Variants in GAL3ST1 observed in about 807,000 individuals in gnomAD.
GAL3ST1 encodes galactose-3-O-sulfotransferase 1, also known as galactosylceramide sulfotransferase.
In GAL3ST1, 13 loss-of-function variants were observed where a neutral mutation model predicts 25.0. The ratio of observed to expected loss-of-function variants is 0.52; its 90% CI spans 0.34 to 0.83. The LOEUF (loss-of-function observed/expected upper bound fraction) is 0.83. GAL3ST1 is among the 40% of genes least tolerant of loss of function. GAL3ST1 has a pLI of 0.02. For missense variants in GAL3ST1, 474 were observed against 613.6 expected, an observed-to-expected ratio of 0.77 and a Z score of 2.40; for synonymous variants, 274 against 277.8, an observed-to-expected ratio of 0.99 and a Z score of 0.14.
In GAL3ST1 at chr22:30,556,033, C is replaced by T. The variant is rs971956994; in HGVS notation, c.192G>A (p.Arg64=). 2.5e-6 allele frequency: 4 copies of T among 1,612,704 alleles called. No homozygotes were observed. Among genetic ancestry groups the T allele is most frequent in the East Asian group, 2.2e-5 (1 of 44,884 alleles). Residue 64 remains arginine, a synonymous_variant, in exon 4 of 4, where the codon CGG becomes CGA. Coordinates refer to ENST00000406361, the MANE Select transcript of GAL3ST1 (RefSeq NM_001318104.2). The part of the protein sequence containing the change: ...PPALEPEAVI[R]ANGSAGECQP... ...GGCACTCCCCCGCCGAGCCGTTGGC[C>T]CGGATCACTGCCTCTGGCTCGAGTG...
At chr22:30,570,320 G>C (rs2086743314) in intron 1 of GAL3ST1, among the ~76,000 whole-genome samples, 1 of 152,204 alleles carries the variant, frequency 6.6e-6, no homozygotes, top group Non-Finnish European at 1.5e-5. Context: ...AGCTATTACA[G>C]TTCTGAGTGT....
rs139970242 is a variant in GAL3ST1, at chr22:30,561,614, C to T, written c.-119-3226G>A. ...CCATGGCAGCCCCTGCCTGGTGTGT[C>T]CTAAGCCCTGTCCCAAGCCCAGGGG... is the stretch of plus-strand genomic sequence containing the variant. On this transcript the variant is annotated intron_variant, in intron 1 of 3. Coordinates refer to ENST00000406361, the MANE Select transcript of GAL3ST1 (RefSeq NM_001318104.2). Among the ~76,000 whole-genome samples the T allele has an allele frequency of 1.2e-3, 183 of 152,292 alleles. 1 individual carries two copies. Among genetic ancestry groups the T allele is most frequent in the African/African-American group, 4.1e-3 (171 of 41,564 alleles).
In GAL3ST1 at chr22:30,555,613, G is replaced by A. The variant is rs141387192; in HGVS notation, c.612C>T (p.Tyr204=). 4.3e-6 allele frequency: 7 copies of A among 1,613,514 alleles called. No homozygotes were observed. Among genetic ancestry groups the A allele is most frequent in the Admixed American group, 1.7e-5 (1 of 60,018 alleles). ...TEFLQDPDRY[Y]DPNGFNAHYL... is the part of the protein sequence containing the mutation. The stretch of plus-strand genomic sequence containing the variant: ...AGTGGGCATTGAAGCCGTTGGGGTC[G>A]TAGTAGCGATCCGGGTCTTGCAGGA... The change falls in exon 4 of 4, where the codon TAC becomes TAT. Residue 204 remains tyrosine (Y), a synonymous_variant. Transcript: ENST00000406361. This position sits in a 1 kb window ranked among gnomAD's most constrained non-coding sequence, Gnocchi z 8.6.
chr22:30,559,420 T>G (rs1172313644), intron 1 of GAL3ST1, among the ~76,000 whole-genome samples: 1 of 152,014 alleles, frequency 6.6e-6, no homozygotes, highest in Admixed American at 6.5e-5. Context: ...TTTGTATTTT[T>G]AGTAGAGATG....
intron 1 of GAL3ST1, among the ~76,000 whole-genome samples, chr22:30,562,811 T>C (rs748109209): frequency 2.0e-4 from 31 of 152,172 alleles, no homozygotes; most frequent in Non-Finnish European, 2.8e-4. Context: ...ACGAAAGTAA[T>C]ACATGTGAGG....
rs199518995 is a variant in GAL3ST1 at position 30,555,212 on chromosome 22, T to C, written c.1013A>G (p.Asn338Ser). Residue 338 changes from asparagine (N) to serine (S), a missense_variant, in exon 4 of 4, where the codon AAC (asparagine) becomes AGC (serine). Coordinates refer to ENST00000406361, the MANE Select transcript of GAL3ST1 (RefSeq NM_001318104.2). The surrounding 1 kb of genome is among the most constrained non-coding windows in gnomAD (Gnocchi z 8.6). ...AREVAALRHA[N>S]ERMRTICIDG... ...GATGCAGATGGTCCGCATGCGCTCG[T>C]TGGCATGGCGCAGGGCGGCCACCTC... 6.3e-7 allele frequency: 1 copy of C among 1,599,206 alleles called. No individual in the cohort carries two copies. The highest frequency in any genetic ancestry group is 1.3e-5 in the African/African-American group (1 of 74,854).
chr22:30,556,941 G>C (rs2086067403), intron 3 of GAL3ST1, among the ~76,000 whole-genome samples: 1 of 152,148 alleles, frequency 6.6e-6, no homozygotes, highest in Non-Finnish European at 1.5e-5. Context: ...CACCATGTTG[G>C]CCAGGCTGGT....
At chr22:30,566,844 C>T (rs1431357371) in intron 1 of GAL3ST1, among the ~76,000 whole-genome samples, 1 of 152,216 alleles carries the variant, frequency 6.6e-6, no homozygotes, top group East Asian at 1.9e-4. Flanking sequence ...CTCCTGACCT[C>T]ATGATCTGCC....
rs1278823851 is a variant in GAL3ST1, at chr22:30,555,040, C to T, written c.1185G>A (p.Thr395=). ...GGTCCATCAGGTACTGGATCTCGGG[C>T]GTGAGCATGCGCCGGCAGAGCTGCG... ...RHAQLCRRML[T]PEIQYLMDLG... is the part of the protein sequence containing the mutation. The change falls in exon 4 of 4, where the codon ACG becomes ACA. Residue 395 remains threonine (T), a synonymous_variant. Transcript: ENST00000406361. This position sits in a 1 kb window ranked among gnomAD's most constrained non-coding sequence, Gnocchi z 8.6. The T allele has an allele frequency of 4.3e-6, 7 of 1,611,568 alleles. No homozygotes were observed. The Admixed American group carries it at 1.0e-4, about 23-fold the overall frequency.
At chr22:30,556,125 A>C in intron 3 of GAL3ST1, 32 bp from the exon 4 acceptor site, 1 of 1,565,560 alleles carries the variant, frequency 6.4e-7, no homozygotes, top group South Asian at 1.1e-5. Flanking sequence ...GGAGAGCCTC[A>C]GGGGGGTGCT....
chr22:30,568,058 C>A (rs1238859463), intron 1 of GAL3ST1, among the ~76,000 whole-genome samples: 1 of 152,206 alleles, frequency 6.6e-6, no homozygotes, highest in Admixed American at 6.5e-5. Flanking sequence ...TTCATGATAA[C>A]CCGGTGCAGA....
chr22:30,567,210 AC>A (rs1345001994), intron 1 of GAL3ST1, among the ~76,000 whole-genome samples: 1 of 152,056 alleles, frequency 6.6e-6, no homozygotes, highest in African/African-American at 2.4e-5. Flanking sequence ...AAGAACCCCA[AC>A]CCCAGAGGTC....
intron 1 of GAL3ST1, among the ~76,000 whole-genome samples, chr22:30,573,771 G>A (rs1373935560): frequency 6.6e-6 from 1 of 152,196 alleles, no homozygotes; most frequent in Non-Finnish European, 1.5e-5. Flanking sequence ...GTTCCCACTG[G>A]GCAGGGCTCG....
rs1046881520 is a variant in GAL3ST1 at position 30,555,729 on chromosome 22, G to C, written c.496C>G (p.Pro166Ala). ...AAGGAGGACTCGAACAAGCGGGCGG[G>C]GTCGCGGAGCACCGTGATGAAGATG... ...NAIFITVLRD[P>A]ARLFESSFHY... The change falls in exon 4 of 4, where the codon CCC becomes GCC. Residue 166 changes from proline to alanine, a missense_variant. This residue lies in a region of GAL3ST1 where 359 missense variants were observed against 504.4 expected (regional missense o/e 0.71). Coordinates refer to ENST00000406361, the MANE Select transcript of GAL3ST1 (RefSeq NM_001318104.2). The surrounding 1 kb of genome is among the most constrained non-coding windows in gnomAD (Gnocchi z 8.6). 9.3e-6 allele frequency: 15 copies of C among 1,613,934 alleles called. No homozygotes were observed. Among genetic ancestry groups the C allele is most frequent in the Non-Finnish European group, 1.2e-5 (14 of 1,180,042 alleles).
rs947633590 is a variant in GAL3ST1, at chr22:30,556,061, G to C, written c.164C>G (p.Pro55Arg). Reference protein sequence around the residue: ...TPEAAASCSPPALEPEAVIRA... With the variant: ...TPEAAASCSPRALEPEAVIRA... ...GATCACTGCCTCTGGCTCGAGTGCA[G>C]GTGGAGAGCAGGACGCTGCGGCCTC... The change falls in exon 4 of 4, where the codon CCT becomes CGT. Residue 55 changes from proline to arginine, a missense_variant. Pro to Arg is a moderately radical substitution (Grantham distance 103). Transcript: ENST00000406361. 1.2e-5 allele frequency: 20 copies of C among 1,611,124 alleles called. No homozygotes were observed. Among genetic ancestry groups the C allele is most frequent in the Non-Finnish European group, 1.7e-5 (20 of 1,179,768 alleles).
At chr22:30,557,150 G>C (rs760522372) in intron 3 of GAL3ST1, 112 bp downstream of exon 3, 3 of 1,079,088 alleles carry the variant, frequency 2.8e-6, no homozygotes, top group African/African-American at 1.6e-5. Flanking sequence ...CAGGGTGCAG[G>C]GTGGCTACCC....
intron 1 of GAL3ST1, among the ~76,000 whole-genome samples, chr22:30,566,371 A>G (rs1199889834): frequency 1.3e-5 from 2 of 152,226 alleles, no homozygotes; most frequent in African/African-American, 4.8e-5. Context: ...CCTGTCATGC[A>G]TCATGCAGCC....
intron 3 of GAL3ST1, among the ~76,000 whole-genome samples, chr22:30,556,672 G>C (rs966448770): frequency 6.6e-6 from 1 of 152,160 alleles, no homozygotes; most frequent in Non-Finnish European, 1.5e-5. Flanking sequence ...TCTGAGCCCT[G>C]TACAGACAGT....
At position 30,555,853 on chromosome 22, in the gene GAL3ST1, G is replaced by A; in HGVS notation, c.372C>T (p.Ser124=). 1.2e-6 allele frequency: 2 copies of A among 1,614,216 alleles called. No individual in the cohort carries two copies. Among genetic ancestry groups the A allele is most frequent in the Non-Finnish European group, 1.7e-6 (2 of 1,180,034 alleles). ...CCCCGGGCCGATAGTCCTGCACCAG[G>A]CTGCGGGCGAAGAAGGTCGGGTAGT... ...DFDYPTFFAR[S]LVQDYRPGAC... is the part of the protein sequence containing the mutation. Residue 124 remains serine, a synonymous_variant, in exon 4 of 4, where the codon AGC becomes AGT. Transcript: ENST00000406361. This position sits in a 1 kb window ranked among gnomAD's most constrained non-coding sequence, Gnocchi z 8.6.
Sources: allele counts gnomAD v4.1 joint callset (sites outside exome capture counted in the v4.1 genomes callset), GRCh38; gene constraint gnomAD v4.1.1; regional missense constraint gnomAD v4.1.1; non-coding constraint Gnocchi (gnomAD v3.1); transcripts MANE v1.5; gene names NCBI Gene and HGNC (gene_info 2026-07-23, HGNC 2026-07-21).